The following PXDNL variants were observed in gnomAD, a reference collection of about 807,000 sequenced individuals.
The protein encoded by PXDNL is probable oxidoreductase PXDNL.
A neutral mutation model predicts 150.8 loss-of-function variants in PXDNL; 145 were observed. That is an observed-to-expected ratio of 0.96 (90% CI 0.84 to 1.10). The LOEUF is 1.10. Among genes scored for constraint, PXDNL ranks in the 50% least tolerant of loss-of-function variants. The pLI is 0.00. For missense variants in PXDNL, 2,087 were observed against 1,873.9 expected (o/e 1.11, Z -2.10); for synonymous variants, 757 against 725.7 (o/e 1.04, Z -0.69).
At chr8:51,557,550 A>C (rs10112389) in intron 3 of PXDNL, among the ~76,000 whole-genome samples, 42,598 of 152,058 alleles carry the variant, frequency 0.28, 7,571 homozygotes, top group African/African-American at 0.5. Context: ...TGTTAATGTC[A>C]TGAAAATGAA....
intron 19 of PXDNL, among the ~76,000 whole-genome samples, chr8:51,349,922 A>T (rs1033976889): frequency 6.6e-6 from 1 of 152,182 alleles, no homozygotes; most frequent in African/African-American, 2.4e-5. Context: ...GCTTGCAAAA[A>T]GGGGAAAAGT....
At chr8:51,562,580 T>C (rs1812739536) in intron 3 of PXDNL, among the ~76,000 whole-genome samples, 1 of 151,802 alleles carries the variant, frequency 6.6e-6, no homozygotes, top group African/African-American at 2.4e-5. Context: ...TAAAACTTAT[T>C]GGGCTTTTGG....
chr8:51,340,857 A>G (rs904672811), intron 20 of PXDNL, among the ~76,000 whole-genome samples: 1 of 152,238 alleles, frequency 6.6e-6, no homozygotes, highest in African/African-American at 2.4e-5. Flanking sequence ...GTTAGGGATA[A>G]TATTAATGCA....
intron 17 of PXDNL, among the ~76,000 whole-genome samples, chr8:51,400,410 A>T (rs1808211550): frequency 6.6e-6 from 1 of 152,178 alleles, no homozygotes; most frequent in Non-Finnish European, 1.5e-5. Flanking sequence ...AGGAATTTTG[A>T]ATTTTTGGAT....
In PXDNL at chr8:51,609,836, G is replaced by A. The variant is rs897376143; in HGVS notation, c.237-17138C>T. 7.2e-5 allele frequency among the ~76,000 whole-genome samples: 11 copies of A among 152,242 alleles called. No individual in the cohort carries two copies. The East Asian group carries it at 1.5e-3, about 21-fold the overall frequency. On this transcript the variant is annotated intron_variant, in intron 2 of 22. Coordinates refer to ENST00000356297, the MANE Select transcript of PXDNL (RefSeq NM_144651.5). ...GAAGCTCTCAACATTTTAAATGTAC[G>A]TAGAGAAGTGCTTCTGATATCACCT...
chr8:51,399,818 G>A (rs935353690), intron 17 of PXDNL, among the ~76,000 whole-genome samples: 2 of 152,190 alleles, frequency 1.3e-5, no homozygotes, highest in Non-Finnish European at 2.9e-5. Context: ...GCATTCAGAT[G>A]TATACTCTGG....
chr8:51,471,179 A>G (rs1810323790), intron 8 of PXDNL, among the ~76,000 whole-genome samples: 1 of 151,582 alleles, frequency 6.6e-6, no homozygotes, highest in Admixed American at 6.6e-5. Flanking sequence ...AGCAAAGGAT[A>G]TGAACAGACA....
chr8:51,602,600 T>C (rs1032344398), intron 2 of PXDNL, among the ~76,000 whole-genome samples: 6 of 151,884 alleles, frequency 4.0e-5, no homozygotes, highest in Non-Finnish European at 5.9e-5. Context: ...ACAAATGTTA[T>C]TTGAAAGAAA....
chr8:51,373,798 C>T (rs369767580), intron 18 of PXDNL, among the ~76,000 whole-genome samples: 18 of 152,252 alleles, frequency 1.2e-4, no homozygotes, highest in African/African-American at 4.3e-4. Context: ...TCTTACTCAA[C>T]ACTAAGCTTC....
In PXDNL at chr8:51,748,465, A is replaced by G. The variant is rs117134887; in HGVS notation, c.164+60716T>C. Among the ~76,000 whole-genome samples, 15 of 152,222 alleles carry G rather than the reference A, an allele frequency of 9.9e-5. No individual in the cohort carries two copies. The East Asian group carries it at 2.7e-3, about 27-fold the overall frequency. ...CAAACCCTGCATTGTGGGTGGGCAG[A>G]AAGGCAGGTGGGGTGGCACGCTCCT... On this transcript the variant is annotated intron_variant, in intron 1 of 22. Transcript: ENST00000356297.
At chr8:51,402,393 C>A (rs948884323) in intron 17 of PXDNL, among the ~76,000 whole-genome samples, 2 of 152,148 alleles carry the variant, frequency 1.3e-5, no homozygotes, top group South Asian at 2.1e-4. Context: ...GTGGCATGCA[C>A]CTGTAATCCC....
rs1260807606 is a variant in PXDNL at position 51,404,182 on chromosome 8, C to T, written c.3557+3885G>A. Among the ~76,000 whole-genome samples, 2 of 152,218 alleles carry T rather than the reference C, an allele frequency of 1.3e-5. 1 individual carries two copies. Among genetic ancestry groups the T allele is most frequent in the Middle Eastern group, 6.3e-3 (2 of 316 alleles). On this transcript the variant is annotated intron_variant, in intron 17 of 22. Transcript: ENST00000356297. ...CAGTGTGAACCCAAAGAGTAAGCAG[C>T]AGCAATATTTATCGCAAAGAGCGAA...
Position 51,453,561 on chromosome 8 carries a change from TA to T in PXDNL, c.1206del (p.Asn402LysfsTer12), listed in dbSNP as rs1299642842. The T allele has an allele frequency of 1.2e-6, 2 of 1,613,926 alleles. No individual in the cohort carries two copies. ...DHGRFTCHAN[N>X]SHGTVQAAAN... Reference sequence around the variant, plus strand: ...GCTGCAGCTTGAACAGTGCCGTGGCTATTGTTGGCATGACAGGTAAATCGAC... The same window carrying T: ...GCTGCAGCTTGAACAGTGCCGTGGCTTTGTTGGCATGACAGGTAAATCGAC... On this transcript the variant is annotated frameshift_variant, in exon 10 of 23. Transcript: ENST00000356297. LOFTEE classifies it high-confidence loss of function.
chr8:51,562,016 A>G (rs1485190096), intron 3 of PXDNL, among the ~76,000 whole-genome samples: 1 of 151,424 alleles, frequency 6.6e-6, no homozygotes, highest in Non-Finnish European at 1.5e-5. Context: ...GCACAAATTT[A>G]TTTTCTTCAT....
At chr8:51,421,647 C>T (rs2060106) in intron 14 of PXDNL, among the ~76,000 whole-genome samples, 111,900 of 151,992 alleles carry the variant, frequency 0.74, 42,688 homozygotes, top group Non-Finnish European at 0.84. Flanking sequence ...TGCAGTGAGC[C>T]GAGATTGTGC....
intron 4 of PXDNL, among the ~76,000 whole-genome samples, chr8:51,543,909 T>C (rs965926035): frequency 6.6e-6 from 1 of 152,066 alleles, no homozygotes; most frequent in African/African-American, 2.4e-5. Context: ...TGAAAATATG[T>C]CAGCTCTATC....
chr8:51,369,566 A>C (rs1232983203), intron 19 of PXDNL, among the ~76,000 whole-genome samples: 1 of 152,168 alleles, frequency 6.6e-6, no homozygotes, highest in Non-Finnish European at 1.5e-5. Flanking sequence ...TACAAACATT[A>C]CATTAGGATT....
At chr8:51,375,064 T>C (rs996590379) in intron 17 of PXDNL, among the ~76,000 whole-genome samples, 1 of 152,186 alleles carries the variant, frequency 6.6e-6, no homozygotes, top group Non-Finnish European at 1.5e-5. Context: ...TGTTATGTCA[T>C]GTATAAATGC....
rs1441501450 is a variant in PXDNL at position 51,319,980 on chromosome 8, G to A, written c.4303C>T (p.Pro1435Ser). The A allele has an allele frequency of 6.4e-7, 1 of 1,573,284 alleles. No homozygotes were observed. The highest frequency in any genetic ancestry group is 8.6e-7 in the Non-Finnish European group (1 of 1,160,266). ...TTCACCAATTCAGGACTGGGACAGG[G>A]AGCCGGGGGACAAATCTCCACCACA... ...TCVVEICPPA[P>S]CPSPELVKGT... The change falls in exon 23 of 23, where the codon CCC becomes TCC. Residue 1435 changes from proline (P) to serine (S), a missense_variant. By Grantham distance (74) the Pro-to-Ser change is moderately conservative. Transcript: ENST00000356297.
Sources: gnomAD v4.1 joint callset for allele counts (sites outside exome capture counted in the v4.1 genomes callset) on GRCh38, gnomAD v4.1.1 for gene constraint, MANE v1.5 for transcripts, NCBI Gene and HGNC (gene_info 2026-07-23, HGNC 2026-07-21) for gene names.